The following DNLZ variants were observed in gnomAD, a reference collection of about 807,000 sequenced individuals.
DNLZ encodes the protein DNL-type zinc finger.
In DNLZ, 15 loss-of-function variants were observed where a neutral mutation model predicts 7.8. That is an observed-to-expected ratio of 1.91 (90% CI 1.28 to 2.95). DNLZ has a LOEUF of 2.95. Among genes scored for constraint, DNLZ ranks in the 30% most tolerant of loss-of-function variants. The pLI, the probability that DNLZ is intolerant of heterozygous loss-of-function variation, is 0.00. For missense variants in DNLZ, 255 were observed against 167.3 expected (o/e 1.52, Z -2.89); for synonymous variants, 123 against 77.8 (o/e 1.58, Z -3.05).
At position 136,362,002 on chromosome 9, in the gene DNLZ, A is replaced by G; in HGVS notation, c.*10T>C. ...AGGCCGAAGTCCCACAGTGCCGGGG[A>G]GCGCAGGAGTCAGCTCGGCTCCGTC... On this transcript the variant is annotated 3_prime_UTR_variant, in exon 3 of 3. Transcript: ENST00000371738. 7.7e-7 allele frequency: 1 copy of G among 1,292,028 alleles called. No individual in the cohort carries two copies. The highest frequency in any genetic ancestry group is 9.9e-7 in the Non-Finnish European group (1 of 1,011,196). The allele number at this position is 1,292,028 out of a possible 1,614,324, so 80.0% of individuals were successfully genotyped here.
At chr9:136,362,941 G>C in intron 2 of DNLZ, 48 bp downstream of exon 2, 1 of 1,594,982 alleles carries the variant, frequency 6.3e-7, no homozygotes, top group Non-Finnish European at 8.6e-7. Flanking sequence ...GGGAGGCCAG[G>C]GTACTTCTGG....
At position 136,363,572 on chromosome 9, in the gene DNLZ, C is replaced by G. The variant is rs1169214454; in HGVS notation, c.143G>C (p.Arg48Pro). ...CCCCGGCCCCTGCTCGGAGCTTGAG[C>G]GCCGCCAGCCCCAGGCCCAGGCCCG... is the stretch of plus-strand genomic sequence containing the variant. ...RRRAWAWGWR[R>P]SSSEQGPGPA... Residue 48 changes from arginine (R) to proline (P), a missense_variant, in exon 1 of 3, where the codon CGC becomes CCC. Coordinates refer to ENST00000371738, the MANE Select transcript of DNLZ (RefSeq NM_001080849.3). 1.5e-6 allele frequency: 1 copy of G among 666,284 alleles called. No individual in the cohort carries two copies. Among genetic ancestry groups the G allele is most frequent in the South Asian group, 1.6e-5 (1 of 64,400 alleles). 41.3% of individuals were successfully genotyped at this position (666,284 alleles called of 1,614,324 possible). A position where few individuals can be genotyped will look rare whatever the true frequency, so the allele number is the denominator to read the frequency against.
At position 136,363,091 on chromosome 9, in the gene DNLZ, A is replaced by G; in HGVS notation, c.266T>C (p.Leu89Pro). 2 of 1,613,632 alleles carry G rather than the reference A, an allele frequency of 1.2e-6. No individual in the cohort carries two copies. Among genetic ancestry groups the G allele is most frequent in the Non-Finnish European group, 1.7e-6 (2 of 1,179,980 alleles). The change falls in exon 2 of 3, where the codon CTG becomes CCG. Residue 89 changes from leucine (L) to proline (P), a missense_variant. Transcript: ENST00000371738. ...AATGACCACGCCTTGGTGATAGGCC[A>G]GCTTGGAGATGCGCTTGGAGGACCT... ...GTRSSKRISK[L>P]AYHQGVVIVT...
intron 1 of DNLZ, 113 bp from the exon 2 acceptor site, chr9:136,363,241 G>A: frequency 8.3e-7 from 1 of 1,205,916 alleles, no homozygotes; most frequent in Non-Finnish European, 1.1e-6. Flanking sequence ...AGAAGGCCCC[G>A]CCCCCGAGGG....
Position 136,363,124 on chromosome 9 carries a change from C to T in DNLZ, c.233G>A (p.Cys78Tyr). ...GATGCGCTTGGAGGACCTAGTCCCGCAGACCTGGCTGGGACAGGGTAGCTG... is the reference window on the plus strand; with the variant it reads ...GATGCGCTTGGAGGACCTAGTCCCGTAGACCTGGCTGGGACAGGGTAGCTG... ...HYQLVYTCKV[C>Y]GTRSSKRISK... Residue 78 changes from cysteine to tyrosine, a missense_variant, in exon 2 of 3, where the codon TGC (cysteine) becomes TAC (tyrosine). Cys to Tyr is a radical substitution (Grantham distance 194). Transcript: ENST00000371738. 1.2e-6 allele frequency: 2 copies of T among 1,613,256 alleles called. No homozygotes were observed. Among genetic ancestry groups the T allele is most frequent in the Non-Finnish European group, 1.7e-6 (2 of 1,179,934 alleles).
intron 1 of DNLZ, 81 bp downstream of exon 1, chr9:136,363,406 C>CCCCGGCGGGCCGCTTCT: frequency 1.3e-6 from 1 of 756,398 alleles, no homozygotes; most frequent in Admixed American, 1.7e-5. Context: ...CCTCCCGGAT[C>CCCCGGCGGGCCGCTTCT]CCCGGCGGGC....
chr9:136,362,011 G>T lies in DNLZ; in HGVS notation c.*1C>A, dbSNP rs1350467312. On this transcript the variant is annotated 3_prime_UTR_variant, in exon 3 of 3. Transcript: ENST00000371738. ...TCCCACAGTGCCGGGGAGCGCAGGA[G>T]TCAGCTCGGCTCCGTCTTGCCAGGG... 2 of 1,309,104 alleles carry T rather than the reference G, an allele frequency of 1.5e-6. No homozygotes were observed. The highest frequency in any genetic ancestry group is 2.0e-6 in the Non-Finnish European group (2 of 1,019,900). 81.1% of individuals were successfully genotyped at this position (1,309,104 alleles called of 1,614,324 possible).
At position 136,360,849 on chromosome 9, in the gene DNLZ, C is replaced by T. The variant is rs1173543024; in HGVS notation, c.*1163G>A. The T allele has an allele frequency of 6.6e-6, 1 of 152,252 alleles. No homozygotes were observed. Among genetic ancestry groups the T allele is most frequent in the Non-Finnish European group, 1.5e-5 (1 of 68,076 alleles). The allele number at this position is 152,252 out of a possible 1,614,324, so 9.4% of individuals were successfully genotyped here. ...GTCCAGACGGCTCCCTGGACCTCCC[C>T]ACATGCTGGTCCAGGCCCTCTGGAG... On this transcript the variant is annotated 3_prime_UTR_variant, in exon 3 of 3. Transcript: ENST00000371738.
chr9:136,362,326 C>G, intron 2 of DNLZ, 146 bp from the exon 3 acceptor site: 1 of 680,974 alleles, frequency 1.5e-6, no homozygotes, highest in South Asian at 4.6e-5. Flanking sequence ...GCACTTCAGA[C>G]GCTGGCCTGT....
In DNLZ at chr9:136,360,540, G is replaced by C. The variant is rs1175412967; in HGVS notation, c.*1472C>G. 2.6e-5 allele frequency: 4 copies of C among 152,166 alleles called. No individual in the cohort carries two copies. Among genetic ancestry groups the C allele is most frequent in the Admixed American group, 2.0e-4 (3 of 15,272 alleles). 9.4% of individuals were successfully genotyped at this position (152,166 alleles called of 1,614,324 possible). A position where few individuals can be genotyped will look rare whatever the true frequency, so the allele number is the denominator to read the frequency against. On this transcript the variant is annotated 3_prime_UTR_variant, in exon 3 of 3. Transcript: ENST00000371738. ...CTTGCAGAAACCTGGCTGTGGGATT[G>C]GGGCTGCGGGGAGGGAAGGGCGGAG...
In DNLZ at chr9:136,360,215, G is replaced by A. The variant is rs1317377292; in HGVS notation, c.*1797C>T. 2 of 152,318 alleles carry A rather than the reference G, an allele frequency of 1.3e-5. No individual in the cohort carries two copies. The highest frequency in any genetic ancestry group is 1.3e-4 in the Admixed American group (2 of 15,286). The allele number at this position is 152,318 out of a possible 1,614,324, so 9.4% of individuals were successfully genotyped here. ...TCCGTTGCCTCCTCCACCCCAGAAG[G>A]GGCCTTGGGAACCAGAATCAACGTG... On this transcript the variant is annotated 3_prime_UTR_variant, in exon 3 of 3. Transcript: ENST00000371738.
Position 136,361,941 on chromosome 9 carries a change from G to A in DNLZ, c.*71C>T, listed in dbSNP as rs375363003. ...TGTTTATTGATAGAAAACAGGCCAC[G>A]TCCAGAGAGGCCCAGGGCCAAAACC... On this transcript the variant is annotated 3_prime_UTR_variant, in exon 3 of 3. Coordinates refer to ENST00000371738, the MANE Select transcript of DNLZ (RefSeq NM_001080849.3). The A allele has an allele frequency of 3.1e-5, 36 of 1,148,916 alleles. No homozygotes were observed. In the East Asian group the frequency reaches 4.4e-4, roughly 14 times the overall value. The allele number at this position is 1,148,916 out of a possible 1,614,324, so 71.2% of individuals were successfully genotyped here. A position where few individuals can be genotyped will look rare whatever the true frequency, so the allele number is the denominator to read the frequency against.
chr9:136,361,986 T>A lies in DNLZ; in HGVS notation c.*26A>T. 7.9e-7 allele frequency: 1 copy of A among 1,272,434 alleles called. No individual in the cohort carries two copies. The highest frequency in any genetic ancestry group is 1.0e-6 in the Non-Finnish European group (1 of 1,001,726). The allele number at this position is 1,272,434 out of a possible 1,614,324, so 78.8% of individuals were successfully genotyped here. A position where few individuals can be genotyped will look rare whatever the true frequency, so the allele number is the denominator to read the frequency against. ...AAAACCTCCTTCTGGAAGGCCGAAG[T>A]CCCACAGTGCCGGGGAGCGCAGGAG... On this transcript the variant is annotated 3_prime_UTR_variant, in exon 3 of 3. Transcript: ENST00000371738.
intron 1 of DNLZ, 117 bp downstream of exon 1, chr9:136,363,370 C>A: frequency 1.4e-6 from 1 of 735,530 alleles, no homozygotes; most frequent in Non-Finnish European, 2.5e-6. Context: ...GGTGGCTCCA[C>A]TCCTTCCTGT....
rs897411346 is a variant in DNLZ, at chr9:136,361,797, G to A, written c.*215C>T. On this transcript the variant is annotated 3_prime_UTR_variant, in exon 3 of 3. Transcript: ENST00000371738. ...TGTGTAGAAGGAACTGTGGTGAGGC[G>A]AGAGGTCCTGCGGCTCCTATGTCCC... 3.0e-5 allele frequency: 12 copies of A among 399,542 alleles called. No homozygotes were observed. Among genetic ancestry groups the A allele is most frequent in the Admixed American group, 1.3e-4 (3 of 22,576 alleles). 24.7% of individuals were successfully genotyped at this position (399,542 alleles called of 1,614,324 possible).
intron 2 of DNLZ, 50 bp downstream of exon 2, chr9:136,362,939 A>G (rs749948326): frequency 1.3e-6 from 2 of 1,591,662 alleles, no homozygotes; most frequent in Non-Finnish European, 8.6e-7. Flanking sequence ...CAGGGAGGCC[A>G]GGGTACTTCT....
At chr9:136,362,227 C>A in intron 2 of DNLZ, 47 bp from the exon 3 acceptor site, 1 of 1,435,376 alleles carries the variant, frequency 7.0e-7, no homozygotes, top group South Asian at 1.5e-5. Context: ...CCCCAGCCGC[C>A]CTGCACTTCA....
chr9:136,363,180 C>T, intron 1 of DNLZ, 52 bp from the exon 2 acceptor site: 2 of 1,600,748 alleles, frequency 1.2e-6, no homozygotes, highest in East Asian at 2.2e-5. Flanking sequence ...ACGCCCCTCC[C>T]GGGAAGACCC....
At chr9:136,362,229 T>TGAGG in intron 2 of DNLZ, 49 bp from the exon 3 acceptor site, 1 of 1,427,542 alleles carries the variant, frequency 7.0e-7, no homozygotes. Flanking sequence ...CCAGCCGCCC[T>TGAGG]GCACTTCAGT....
Sources: allele counts gnomAD v4.1 joint callset, GRCh38; gene constraint gnomAD v4.1.1; transcripts MANE v1.5; gene names NCBI Gene and HGNC (gene_info 2026-07-23, HGNC 2026-07-21).